CRISPLD2: variants seen among roughly 807,000 people sequenced by gnomAD.
CRISPLD2 encodes cysteine-rich secretory protein LCCL domain-containing 2.
Under a neutral mutation model 71.1 loss-of-function variants are expected in CRISPLD2, and 47 were observed. That is an observed-to-expected ratio of 0.66 (90% CI 0.52 to 0.84). The LOEUF (loss-of-function observed/expected upper bound fraction) is 0.84, where lower values mean the gene tolerates loss of function less well. Ranked by LOEUF, CRISPLD2 falls within the 40% of genes least tolerant of loss-of-function variation. CRISPLD2 has a pLI of 0.00. For missense variants in CRISPLD2, 830 were observed against 651.1 expected, an observed-to-expected ratio of 1.27 and a Z score of -2.99; for synonymous variants, 317 against 250.1, an observed-to-expected ratio of 1.27 and a Z score of -2.52.
rs114416130 is a variant in CRISPLD2, at chr16:84,886,696, G to T, written c.1306-2534G>T. On this transcript the variant is annotated intron_variant, in intron 13 of 14. Transcript: ENST00000262424. ...AAATTAGTCAGGCGTGGTGGCGCAT[G>T]CCTGCGATCCCAGCTACTTGAGAAG... 2.2e-3 allele frequency among the ~76,000 whole-genome samples: 336 copies of T among 152,280 alleles called. 1 individual carries two copies. Among genetic ancestry groups the T allele is most frequent in the African/African-American group, 7.6e-3 (317 of 41,560 alleles).
intron 3 of CRISPLD2, 137 bp downstream of exon 3, chr16:84,846,041 C>T (rs1371898801): frequency 1.7e-6 from 1 of 596,116 alleles, no homozygotes; most frequent in African/African-American, 1.9e-5. Context: ...TTCTGGGAAA[C>T]TGAGGCTTGG....
rs970638165 is a variant in CRISPLD2, at chr16:84,846,173, T to G, written c.359+269T>G. 2.2e-5 allele frequency: 7 copies of G among 321,838 alleles called. 1 individual carries two copies. Among genetic ancestry groups the G allele is most frequent in the Non-Finnish European group, 3.4e-5 (6 of 174,338 alleles). 19.9% of individuals were successfully genotyped at this position (321,838 alleles called of 1,614,324 possible). A position where few individuals can be genotyped will look rare whatever the true frequency, so the allele number is the denominator to read the frequency against. ...TTCCTTCTTCCTTTCCTTCTTCCTT[T>G]CCTTCTTCCTTTCCTTCCTTCCTTC... On this transcript the variant is annotated intron_variant, in intron 3 of 14. Transcript: ENST00000262424.
At chr16:84,881,536 T>G (rs2071568547) in intron 13 of CRISPLD2, among the ~76,000 whole-genome samples, 1 of 152,236 alleles carries the variant, frequency 6.6e-6, no homozygotes, top group African/African-American at 2.4e-5. Context: ...GCTGTTTCCT[T>G]GTGGCGGAAC....
chr16:84,858,948 C>G (rs1198930664), intron 6 of CRISPLD2, among the ~76,000 whole-genome samples: 1 of 152,218 alleles, frequency 6.6e-6, no homozygotes, highest in Non-Finnish European at 1.5e-5. Context: ...TCTCCAAGAT[C>G]CATCTATCTT....
At chr16:84,822,389 C>T (rs931076251) in intron 1 of CRISPLD2, among the ~76,000 whole-genome samples, 5 of 152,160 alleles carry the variant, frequency 3.3e-5, no homozygotes, top group Admixed American at 2.0e-4. Flanking sequence ...AGGCAGGACC[C>T]TCTGACGTCT....
At chr16:84,846,334 C>G (rs1230171368) in intron 3 of CRISPLD2, among the ~76,000 whole-genome samples, 1 of 150,948 alleles carries the variant, frequency 6.6e-6, no homozygotes, top group Non-Finnish European at 1.5e-5. Context: ...CTCACTGCAA[C>G]CTCTGTCTCC....
At chr16:84,866,202 G>T (rs1917530397) in intron 6 of CRISPLD2, among the ~76,000 whole-genome samples, 1 of 151,852 alleles carries the variant, frequency 6.6e-6, no homozygotes, top group African/African-American at 2.4e-5. Context: ...AGTCCACTAT[G>T]GCTTTGGGCC....
intron 10 of CRISPLD2, 26 bp downstream of exon 10, chr16:84,873,148 G>A (rs186989358): frequency 1.3e-4 from 203 of 1,600,260 alleles, no homozygotes; most frequent in Middle Eastern, 1.7e-4. Flanking sequence ...TCGGGGCTCT[G>A]TGAAACGGTT....
At chr16:84,903,014 C>T (rs899176945) in intron 14 of CRISPLD2, among the ~76,000 whole-genome samples, 3 of 151,906 alleles carry the variant, frequency 2.0e-5, no homozygotes, top group Admixed American at 1.3e-4. Context: ...GTGATCTGCC[C>T]ACCTCAGCCT....
At chr16:84,843,217 C>A (rs977433500) in intron 2 of CRISPLD2, among the ~76,000 whole-genome samples, 1 of 152,164 alleles carries the variant, frequency 6.6e-6, no homozygotes, top group Non-Finnish European at 1.5e-5. Context: ...AGCAAGGAGG[C>A]TGAAAGGATG....
intron 2 of CRISPLD2, chr16:84,842,386 T>TC: frequency 6.8e-6 from 1 of 147,746 alleles, no homozygotes; most frequent in East Asian, 2.0e-4. Flanking sequence ...CTTATTGTTT[T>TC]TTTTTTGAGA....
chr16:84,840,183 C>G (rs980154063), intron 2 of CRISPLD2, among the ~76,000 whole-genome samples: 1 of 152,182 alleles, frequency 6.6e-6, no homozygotes, highest in African/African-American at 2.4e-5. Flanking sequence ...GGTCACGTTC[C>G]TTTGCCACAG....
rs2071529962 is a variant in CRISPLD2 at position 84,877,475 on chromosome 16, G to C, written c.1194G>C (p.Leu398=). Residue 398 remains leucine, a synonymous_variant, in exon 12 of 15, where the codon CTG becomes CTC. Coordinates refer to ENST00000262424, the MANE Select transcript of CRISPLD2 (RefSeq NM_031476.4). The part of the protein sequence containing the change: ...DLDCYTTVAQ[L]CPFEKPATHC... ...ACTGCTACACGACCGTTGCTCAGCT[G>C]TGCCCGTTTGAAAAGCCAGCAACTC... 6.2e-7 allele frequency: 1 copy of C among 1,613,994 alleles called. No homozygotes were observed. The highest frequency in any genetic ancestry group is 8.5e-7 in the Non-Finnish European group (1 of 1,179,914).
chr16:84,845,734 A>T, intron 2 of CRISPLD2, 52 bp from the exon 3 acceptor site: 1 of 1,233,022 alleles, frequency 8.1e-7, no homozygotes, highest in Non-Finnish European at 1.2e-6. Context: ...TATGGTTCTT[A>T]TGCCCCTCCC....
At chr16:84,867,183 C>A in intron 7 of CRISPLD2, 143 bp downstream of exon 7, 2 of 785,590 alleles carry the variant, frequency 2.5e-6, no homozygotes, top group Non-Finnish European at 4.1e-6. Context: ...CTCATGGAGG[C>A]ACAACCATAA....
chr16:84,849,813 G>A, intron 4 of CRISPLD2, among the ~76,000 whole-genome samples: 1 of 150,258 alleles, frequency 6.7e-6, no homozygotes, highest in Non-Finnish European at 1.5e-5. Flanking sequence ...AAACTCCTGG[G>A]CTCAAGCAAT....
At chr16:84,879,070 C>G (rs542014661) in intron 12 of CRISPLD2, among the ~76,000 whole-genome samples, 2 of 152,278 alleles carry the variant, frequency 1.3e-5, no homozygotes, top group East Asian at 1.9e-4. Flanking sequence ...AGGAGGGTGA[C>G]TGGTTGGGAG....
chr16:84,880,752 C>G, intron 13 of CRISPLD2, 168 bp downstream of exon 13: 1 of 518,866 alleles, frequency 1.9e-6, no homozygotes, highest in South Asian at 2.8e-5. Context: ...GTTGCCCAGG[C>G]TGGAGTACAG....
chr16:84,875,870 C>T (rs1187327751), intron 11 of CRISPLD2, among the ~76,000 whole-genome samples: 1 of 151,932 alleles, frequency 6.6e-6, no homozygotes, highest in Non-Finnish European at 1.5e-5. Flanking sequence ...CCGGCCTGGA[C>T]ACCCTTGCTT....
Sources: allele counts gnomAD v4.1 joint callset (sites outside exome capture counted in the v4.1 genomes callset), GRCh38; gene constraint gnomAD v4.1.1; transcripts MANE v1.5; gene names NCBI Gene and HGNC (gene_info 2026-07-23, HGNC 2026-07-21).